The following CACNA1C variants were observed in gnomAD, a reference collection of about 807,000 sequenced individuals.
CACNA1C encodes calcium voltage-gated channel subunit alpha1 C.
Under a neutral mutation model 229.0 loss-of-function variants are expected in CACNA1C, and 30 were observed. The observed-to-expected ratio is 0.13, with a 90% CI of 0.10 to 0.18. The LOEUF is 0.18. Ranked by LOEUF, CACNA1C falls within the 10% of genes least tolerant of loss-of-function variation. The pLI, the probability that CACNA1C is intolerant of heterozygous loss-of-function variation, is 1.00. For missense variants in CACNA1C, 1,658 were observed against 2,845.0 expected, an observed-to-expected ratio of 0.58 and a Z score of 9.49; for synonymous variants, 1,114 against 1,132.5, an observed-to-expected ratio of 0.98 and a Z score of 0.33.
rs1476288131 is a variant in CACNA1C, at chr12:2,602,617, GTAT to G, written c.2960+658_2960+660del. ...TGAGTGCATGTATGTGTGTGACTGT[GTAT>G]ATTTGTGTCTTGTGTGTGTGTGTGT... On this transcript the variant is annotated intron_variant, in intron 22 of 46. Coordinates refer to ENST00000399655, the MANE Select transcript of CACNA1C (RefSeq NM_000719.7). The surrounding 1 kb of genome is among the most constrained non-coding windows in gnomAD (Gnocchi z 4.4). Among the ~76,000 whole-genome samples the G allele has an allele frequency of 7.3e-6, 1 of 136,650 alleles. No homozygotes were observed. Among genetic ancestry groups the G allele is most frequent in the Non-Finnish European group, 1.6e-5 (1 of 63,548 alleles). 89.6% of individuals were successfully genotyped at this position (136,650 alleles called of 152,430 possible).
rs77058648 is a variant in CACNA1C, at chr12:1,988,711, C to T, written c.139+17510C>T. Among the ~76,000 whole-genome samples the T allele has an allele frequency of 3.0e-3, 461 of 152,272 alleles. 2 individuals are homozygous for T. Among genetic ancestry groups the T allele is most frequent in the African/African-American group, 0.01 (430 of 41,540 alleles). On this transcript the variant is annotated intron_variant, in intron 1 of 46. Coordinates refer to the CACNA1C transcript ENST00000682462. ...TGCCATCGTTTACCCAAAAGTCTAC[C>T]AACCACTCACTTTAGAAGGCAACTT...
chr12:1,995,805 C>G (rs2040659575), intron 1 of CACNA1C, among the ~76,000 whole-genome samples: 1 of 152,214 alleles, frequency 6.6e-6, no homozygotes, highest in Non-Finnish European at 1.5e-5. Flanking sequence ...ATACTCACTC[C>G]TTCAGGGAAC....
intron 5 of CACNA1C, among the ~76,000 whole-genome samples, chr12:2,484,627 G>A (rs2099690247): frequency 1.3e-5 from 2 of 152,014 alleles, no homozygotes; most frequent in Non-Finnish European, 2.9e-5. Context: ...GAGGCCCGTC[G>A]AGACACCCCT....
intron 7 of CACNA1C, among the ~76,000 whole-genome samples, chr12:2,503,090 A>G (rs2099764187): frequency 6.6e-6 from 1 of 152,148 alleles, no homozygotes; most frequent in African/African-American, 2.4e-5. Flanking sequence ...GTTACATTTG[A>G]AATTGGGAGC....
At chr12:2,125,543 C>T (rs953825956) in intron 3 of CACNA1C, among the ~76,000 whole-genome samples, 2 of 152,050 alleles carry the variant, frequency 1.3e-5, no homozygotes, top group Non-Finnish European at 2.9e-5. Flanking sequence ...CTCTGAGAAA[C>T]AGCAAAGAAG....
chr12:2,553,824 A>G (rs1328136723), intron 10 of CACNA1C, among the ~76,000 whole-genome samples: 1 of 152,184 alleles, frequency 6.6e-6, no homozygotes, highest in Non-Finnish European at 1.5e-5. Context: ...GGGATCATAG[A>G]AAGGGAGGCT....
chr12:2,413,716 C>T (rs576682968), intron 3 of CACNA1C, among the ~76,000 whole-genome samples: 17 of 152,196 alleles, frequency 1.1e-4, no homozygotes, highest in Non-Finnish European at 1.8e-4. Flanking sequence ...GTCCCCAAAG[C>T]CAACCTGACC....
chr12:2,421,642 G>C (rs1388551796), intron 3 of CACNA1C, among the ~76,000 whole-genome samples: 8 of 152,174 alleles, frequency 5.3e-5, no homozygotes, highest in Admixed American at 4.6e-4. Flanking sequence ...GCCGGACACA[G>C]TGGCTCACAC....
At position 2,688,478 on chromosome 12, in the gene CACNA1C, T is replaced by A; in HGVS notation, c.5816T>A (p.Leu1939His). The A allele has an allele frequency of 6.2e-7, 1 of 1,613,632 alleles. No homozygotes were observed. Among genetic ancestry groups the A allele is most frequent in the Non-Finnish European group, 8.5e-7 (1 of 1,179,848 alleles). ...GCAGTGGCAGGCCTGAGCCCCCTCC[T>A]CCAGAGAAGCCATTCCCCTGCCTCA... is the stretch of plus-strand genomic sequence containing the variant. ...ALAVAGLSPLLQRSHSPASFP... is the reference protein window; with the variant it reads ...ALAVAGLSPLHQRSHSPASFP... Residue 1939 changes from leucine to histidine, a missense_variant, in exon 46 of 47, where the codon CTC becomes CAC. By Grantham distance (99) the Leu-to-His change is moderately conservative (BLOSUM62 -3). Around this residue, in one of 20 missense-constraint regions of CACNA1C, gnomAD observed 590 missense variants for 700.8 expected, o/e 0.84. Transcript: ENST00000399655.
chr12:2,530,172 G>A (rs566312350), intron 9 of CACNA1C, among the ~76,000 whole-genome samples: 47 of 152,220 alleles, frequency 3.1e-4, no homozygotes, highest in South Asian at 1.0e-3. Flanking sequence ...TCCTTTTTCC[G>A]TTGCTAAGTT....
At chr12:2,674,739 G>T (rs899449045) in intron 39 of CACNA1C, 97 bp downstream of exon 39, 4 of 1,186,098 alleles carry the variant, frequency 3.4e-6, no homozygotes, top group Admixed American at 2.3e-5. Flanking sequence ...GAATGCGGAA[G>T]CATCCCCTGA....
chr12:2,504,773 G>A lies in CACNA1C; in HGVS notation c.1114-69G>A. Reference sequence around the variant, plus strand: ...CGCTGCGTGGGTCAGTGTCTCGGGAGCCGGGGACCGGCACTGGCCGTGCTC... The same window carrying A: ...CGCTGCGTGGGTCAGTGTCTCGGGAACCGGGGACCGGCACTGGCCGTGCTC... On this transcript the variant is annotated intron_variant, in intron 7 of 46. Transcript: ENST00000399655. The surrounding 1 kb of genome is among the most constrained non-coding windows in gnomAD (Gnocchi z 6.8). The A allele has an allele frequency of 1.0e-6, 1 of 983,724 alleles. No individual in the cohort carries two copies. Among genetic ancestry groups the A allele is most frequent in the Non-Finnish European group, 1.6e-6 (1 of 617,664 alleles). The allele number at this position is 983,724 out of a possible 1,614,324, so 60.9% of individuals were successfully genotyped here. A position where few individuals can be genotyped will look rare whatever the true frequency, so the allele number is the denominator to read the frequency against.
Position 2,293,813 on chromosome 12 carries a change from A to G in CACNA1C, c.478-155163A>G, listed in dbSNP as rs2093744450. Among the ~76,000 whole-genome samples, 3 of 152,208 alleles carry G rather than the reference A, an allele frequency of 2.0e-5. No individual in the cohort carries two copies. The South Asian group carries it at 6.2e-4, about 32-fold the overall frequency. On this transcript the variant is annotated intron_variant, in intron 3 of 46. Coordinates refer to ENST00000399655, the MANE Select transcript of CACNA1C (RefSeq NM_000719.7). ...TATTTGTATCCCTACCACGGCCTAA[A>G]ATAGTGCCTGAATATAGTAGACAAT...
At chr12:2,230,593 C>T (rs2064757358) in intron 3 of CACNA1C, among the ~76,000 whole-genome samples, 1 of 152,214 alleles carries the variant, frequency 6.6e-6, no homozygotes, top group Admixed American at 6.5e-5. Context: ...CTGGCCGTCC[C>T]CGCCCTGCTG....
chr12:2,164,294 T>C (rs942330785), intron 3 of CACNA1C, among the ~76,000 whole-genome samples: 3 of 152,210 alleles, frequency 2.0e-5, no homozygotes, highest in Non-Finnish European at 4.4e-5. Flanking sequence ...TGGGTACACA[T>C]GAAGGCTGAC....
intron 3 of CACNA1C, among the ~76,000 whole-genome samples, chr12:2,315,508 G>T (rs551665401): frequency 6.6e-6 from 1 of 152,210 alleles, no homozygotes; most frequent in African/African-American, 2.4e-5. Flanking sequence ...TGACTTATTA[G>T]GGAGAAGAAT....
chr12:2,585,391 G>A lies in CACNA1C; in HGVS notation c.2355G>A (p.Glu785=). Residue 785 remains glutamate, a synonymous_variant, in exon 17 of 47, where the codon GAG becomes GAA. Transcript: ENST00000399655. This position sits in a 1 kb window ranked among gnomAD's most constrained non-coding sequence, Gnocchi z 4.1. ...RKKLARTASP[E]KKQELVEKPA... Reference sequence around the variant, plus strand: ...GACTGGCCAGGACTGCCAGCCCAGAGAAGAAACAAGAGTTGGTGGAGAAGC... The same window carrying A: ...GACTGGCCAGGACTGCCAGCCCAGAAAAGAAACAAGAGTTGGTGGAGAAGC... 2.5e-6 allele frequency: 4 copies of A among 1,612,692 alleles called. No homozygotes were observed. The highest frequency in any genetic ancestry group is 3.4e-6 in the Non-Finnish European group (4 of 1,179,316).
At chr12:2,390,185 C>T (rs1433468254) in intron 3 of CACNA1C, among the ~76,000 whole-genome samples, 6 of 152,118 alleles carry the variant, frequency 3.9e-5, no homozygotes, top group South Asian at 2.1e-4. Flanking sequence ...ATGACTAGGG[C>T]GACCATGTAA....
rs1417477759 is a variant in CACNA1C, at chr12:2,449,107, G to A, written c.609G>A (p.Val203=). 5 of 1,545,462 alleles carry A rather than the reference G, an allele frequency of 3.2e-6. No individual in the cohort carries two copies. The highest frequency in any genetic ancestry group is 2.4e-5 in the East Asian group (1 of 42,114). Reference sequence around the variant, plus strand: ...GGAACCTACTAGATTTTATAATTGTGGTTGTGGGGTAAGTATCACTGTCTG... The same window carrying A: ...GGAACCTACTAGATTTTATAATTGTAGTTGTGGGGTAAGTATCACTGTCTG... The part of the protein sequence containing the change: ...NGWNLLDFII[V]VVGLFSAILE... Residue 203 remains valine, a synonymous_variant, in exon 4 of 47, where the codon GTG becomes GTA. Transcript: ENST00000399655.
Sources: allele counts gnomAD v4.1 joint callset (sites outside exome capture counted in the v4.1 genomes callset), GRCh38; gene constraint gnomAD v4.1.1; regional missense constraint gnomAD v4.1.1; non-coding constraint Gnocchi (gnomAD v3.1); transcripts MANE v1.5; gene names NCBI Gene and HGNC (gene_info 2026-07-23, HGNC 2026-07-21).